CSPG5: variants seen among roughly 807,000 people sequenced by gnomAD.
CSPG5 encodes chondroitin sulfate proteoglycan 5, also known as acidic leucine-rich EGF-like domain-containing brain protein.
In CSPG5, 25 loss-of-function variants were observed where a neutral mutation model predicts 39.8. The ratio of observed to expected loss-of-function variants is 0.63; its 90% CI spans 0.46 to 0.88. The LOEUF is 0.88. Among genes scored for constraint, CSPG5 ranks in the 40% least tolerant of loss-of-function variants. CSPG5 has a pLI of 0.00. For synonymous variants in CSPG5, 295 were observed against 303.9 expected, an observed-to-expected ratio of 0.97 and a Z score of 0.31; for missense variants, 627 against 702.2, an observed-to-expected ratio of 0.89 and a Z score of 1.21.
In CSPG5 at chr3:47,577,580, G is replaced by C; in HGVS notation, c.446C>G (p.Ala149Gly). Residue 149 changes from alanine to glycine, a missense_variant, in exon 2 of 5, where the codon GCC becomes GGC. Coordinates refer to ENST00000264723, the MANE Select transcript of CSPG5 (RefSeq NM_006574.4). The surrounding 1 kb of genome is among the most constrained non-coding windows in gnomAD (Gnocchi z 4.7). ...GGGGGTGGGGGAGGGTGGCCCGCTG[G>C]CCTCTGTAGCCTCAGGAATGGCAGG... is the stretch of plus-strand genomic sequence containing the variant. The part of the protein sequence containing the change: ...MPPAIPEATE[A>G]SGPPSPTPGD... The C allele has an allele frequency of 6.2e-7, 1 of 1,611,216 alleles. No individual in the cohort carries two copies. The highest frequency in any genetic ancestry group is 8.5e-7 in the Non-Finnish European group (1 of 1,179,440).
At chr3:47,575,501 T>C (rs1576373197) in intron 2 of CSPG5, among the ~76,000 whole-genome samples, 1 of 152,214 alleles carries the variant, frequency 6.6e-6, no homozygotes, top group Admixed American at 6.5e-5. Flanking sequence ...GGGTAATTAC[T>C]GATGAGCTAC....
intron 3 of CSPG5, among the ~76,000 whole-genome samples, chr3:47,569,593 G>T (rs1035179339): frequency 6.7e-6 from 1 of 149,450 alleles, no homozygotes; most frequent in African/African-American, 2.5e-5. Flanking sequence ...GACAGAGCGA[G>T]ACTCCATCTC....
intron 4 of CSPG5, 73 bp from the exon 5 acceptor site, chr3:47,562,834 A>G (rs2031141125): frequency 1.4e-6 from 2 of 1,419,102 alleles, no homozygotes; most frequent in Non-Finnish European, 1.9e-6. Flanking sequence ...AGCGTTTTCT[A>G]TCTGGTTGAA....
At chr3:47,579,433 C>G (rs1559617180), upstream of CSPG5, 1 of 152,336 alleles carries the variant, frequency 6.6e-6, no homozygotes. This position sits in a 1 kb window ranked among gnomAD's most constrained non-coding sequence, Gnocchi z 4.2. Flanking sequence ...GGGGGCGAAG[C>G]CGACCGCCCA....
intron 4 of CSPG5, among the ~76,000 whole-genome samples, chr3:47,568,624 A>G (rs2031400485): frequency 6.6e-6 from 1 of 152,230 alleles, no homozygotes; most frequent in South Asian, 2.1e-4. Context: ...GAAATTCCCC[A>G]GCAGTGAAAG....
chr3:47,578,668 G>C lies in CSPG5; in HGVS notation c.26C>G (p.Pro9Arg). 9.3e-7 allele frequency: 1 copy of C among 1,080,374 alleles called. No homozygotes were observed. Among genetic ancestry groups the C allele is most frequent in the Non-Finnish European group, 1.1e-6 (1 of 884,638 alleles). 66.9% of individuals were successfully genotyped at this position (1,080,374 alleles called of 1,614,324 possible). The stretch of plus-strand genomic sequence containing the variant: ...CAGCAGTGGCGGCGGCCCCCGGCCC[G>C]GGCCCCCGCCCCCGGCTCGCCCCAT... Reference protein sequence around the residue: MGRAGGGGPGRGPPPLLLF... With the variant: MGRAGGGGRGRGPPPLLLF... Residue 9 changes from proline to arginine, a missense_variant, in exon 1 of 5, where the codon CCG becomes CGG. Coordinates refer to ENST00000264723, the MANE Select transcript of CSPG5 (RefSeq NM_006574.4). The surrounding 1 kb of genome is among the most constrained non-coding windows in gnomAD (Gnocchi z 6.0).
chr3:47,576,913 C>A lies in CSPG5; in HGVS notation c.1113G>T (p.Arg371=). The A allele has an allele frequency of 6.2e-7, 1 of 1,610,050 alleles. No individual in the cohort carries two copies. Among genetic ancestry groups the A allele is most frequent in the Non-Finnish European group, 8.5e-7 (1 of 1,177,652 alleles). ...AACTTGGGAAGAGGTCGCACACTGA[C>A]CGGCAGGAGCCGTTATGCCGCACAA... ...SGFVRHNGSC[R]SVCDLFPSYC... The change falls in exon 2 of 5, where the codon CGG becomes CGT. Residue 371 remains arginine (R), a synonymous_variant. Coordinates refer to ENST00000264723, the MANE Select transcript of CSPG5 (RefSeq NM_006574.4).
intron 4 of CSPG5, among the ~76,000 whole-genome samples, chr3:47,566,298 C>T (rs922344018): frequency 3.2e-4 from 49 of 152,268 alleles, no homozygotes; most frequent in Middle Eastern, 3.4e-3. Context: ...GGAGAAGCCA[C>T]GAGGCAGGCT....
Position 47,578,662 on chromosome 3 carries a change from C to T in CSPG5, c.32G>A (p.Arg11Gln). MGRAGGGGPG[R>Q]GPPPLLLFLG... is the part of the protein sequence containing the mutation. ...AAACAGCAGCAGTGGCGGCGGCCCC[C>T]GGCCCGGGCCCCCGCCCCCGGCTCG... Residue 11 changes from arginine (R) to glutamine (Q), a missense_variant, in exon 1 of 5, where the codon CGG (arginine) becomes CAG (glutamine). By Grantham distance (43) the Arg-to-Gln change is conservative. Coordinates refer to ENST00000264723, the MANE Select transcript of CSPG5 (RefSeq NM_006574.4). This position sits in a 1 kb window ranked among gnomAD's most constrained non-coding sequence, Gnocchi z 6.0. The T allele has an allele frequency of 1.8e-6, 2 of 1,108,262 alleles. No homozygotes were observed. The highest frequency in any genetic ancestry group is 2.2e-6 in the Non-Finnish European group (2 of 904,178). The allele number at this position is 1,108,262 out of a possible 1,614,324, so 68.7% of individuals were successfully genotyped here.
In CSPG5 at chr3:47,576,936, C is replaced by G. The variant is rs1410884424; in HGVS notation, c.1090G>C (p.Val364Leu). Residue 364 changes from valine to leucine, a missense_variant, in exon 2 of 5, where the codon GTG becomes CTG. Physicochemically the swap from Val to Leu is conservative, Grantham distance 32. Transcript: ENST00000264723. ...ENGTECRSGF[V>L]RHNGSCRSVC... Reference sequence around the variant, plus strand: ...GACCGGCAGGAGCCGTTATGCCGCACAAAGCCACTGCGGCACTCAGTGCCA... The same window carrying G: ...GACCGGCAGGAGCCGTTATGCCGCAGAAAGCCACTGCGGCACTCAGTGCCA... The G allele has an allele frequency of 1.9e-6, 3 of 1,613,272 alleles. No individual in the cohort carries two copies. The African/African-American group carries it at 4.0e-5, about 22-fold the overall frequency.
intron 4 of CSPG5, among the ~76,000 whole-genome samples, chr3:47,568,620 C>T (rs1576369602): frequency 6.6e-6 from 1 of 152,172 alleles, no homozygotes; most frequent in East Asian, 1.9e-4. Context: ...CCATGAAATT[C>T]CCCAGCAGTG....
intron 4 of CSPG5, among the ~76,000 whole-genome samples, chr3:47,564,226 T>C (rs2031202637): frequency 1.3e-5 from 2 of 152,220 alleles, no homozygotes; most frequent in Admixed American, 6.5e-5. Context: ...CAGAGAAGTC[T>C]GGTGAGCCCT....
chr3:47,577,524 G>A lies in CSPG5; in HGVS notation c.502C>T (p.Pro168Ser). 6.2e-7 allele frequency: 1 copy of A among 1,612,364 alleles called. No individual in the cohort carries two copies. Among genetic ancestry groups the A allele is most frequent in the Non-Finnish European group, 8.5e-7 (1 of 1,179,432 alleles). ...CAAACCTCCAAGGGGCTCTCCTTGG[G>A]GAGTTCAGAAGCTGGGCTCAGCTTG... ...GDKLSPASEL[P>S]KESPLEVWLN... is the part of the protein sequence containing the mutation. Residue 168 changes from proline to serine, a missense_variant, in exon 2 of 5, where the codon CCC (proline) becomes TCC (serine). Pro to Ser is a moderately conservative substitution (Grantham distance 74). Transcript: ENST00000264723. The surrounding 1 kb of genome is among the most constrained non-coding windows in gnomAD (Gnocchi z 4.7).
At position 47,577,632 on chromosome 3, in the gene CSPG5, C is replaced by T; in HGVS notation, c.394G>A (p.Glu132Lys). ...ALPATLQAPHEVLGQSIMPPA... is the reference protein window; with the variant it reads ...ALPATLQAPHKVLGQSIMPPA... ...GGCATGATTGACTGCCCGAGGACCT[C>T]GTGGGGAGCCTGGAGCGTAGCTGGA... Residue 132 changes from glutamate to lysine, a missense_variant, in exon 2 of 5, where the codon GAG becomes AAG. Transcript: ENST00000264723. The surrounding 1 kb of genome is among the most constrained non-coding windows in gnomAD (Gnocchi z 4.7). The T allele has an allele frequency of 6.2e-7, 1 of 1,610,258 alleles. No individual in the cohort carries two copies. Among genetic ancestry groups the T allele is most frequent in the Non-Finnish European group, 8.5e-7 (1 of 1,179,352 alleles).
Position 47,578,435 on chromosome 3 carries a change from AC to A in CSPG5, c.97+161del, listed in dbSNP as rs900690952. 1.5e-5 allele frequency among the ~76,000 whole-genome samples: 2 copies of A among 137,824 alleles called. No individual in the cohort carries two copies. The highest frequency in any genetic ancestry group is 3.1e-5 in the Non-Finnish European group (2 of 64,374). 90.4% of individuals were successfully genotyped at this position (137,824 alleles called of 152,430 possible). A position where few individuals can be genotyped will look rare whatever the true frequency, so the allele number is the denominator to read the frequency against. ...CCCCACGCGGGTCGGCCTTTCCCGG[AC>A]CCCCACCACCTCCTGGGACCATTCC... On this transcript the variant is annotated intron_variant, in intron 1 of 4. Coordinates refer to ENST00000264723, the MANE Select transcript of CSPG5 (RefSeq NM_006574.4). The surrounding 1 kb of genome is among the most constrained non-coding windows in gnomAD (Gnocchi z 6.0).
chr3:47,565,144 G>A (rs2031245643), intron 4 of CSPG5, among the ~76,000 whole-genome samples: 1 of 152,070 alleles, frequency 6.6e-6, no homozygotes, highest in Non-Finnish European at 1.5e-5. Context: ...CACAGACCCT[G>A]GTCTCAGAGC....
Position 47,562,617 on chromosome 3 carries a change from G to A in CSPG5, c.1603C>T (p.Gln535Ter). The A allele has an allele frequency of 1.9e-6, 3 of 1,604,266 alleles. No homozygotes were observed. Among genetic ancestry groups the A allele is most frequent in the Non-Finnish European group, 2.6e-6 (3 of 1,174,722 alleles). Residue 535 changes from glutamine (Q) to a stop codon, truncating the protein, a stop_gained, in exon 5 of 5, where the codon CAG (glutamine) becomes TAG (stop). Coordinates refer to ENST00000264723, the MANE Select transcript of CSPG5 (RefSeq NM_006574.4). LOFTEE classifies it high-confidence loss of function. ...DQADLDVNCLQNNLT is the reference protein window; with the variant it reads ...DQADLDVNCL ...GCTCTGCTTTAGGTTAAATTATTCT[G>A]AAGACAGTTCACATCCAAGTCAGCC...
At chr3:47,567,009 T>C (rs2031328006) in intron 4 of CSPG5, among the ~76,000 whole-genome samples, 1 of 152,204 alleles carries the variant, frequency 6.6e-6, no homozygotes, top group South Asian at 2.1e-4. Context: ...AAAGCCTCAC[T>C]TTCCACAAAG....
At chr3:47,564,729 A>G (rs956341187) in intron 4 of CSPG5, among the ~76,000 whole-genome samples, 2 of 152,198 alleles carry the variant, frequency 1.3e-5, no homozygotes, top group Admixed American at 1.3e-4. Context: ...TAGAACATGT[A>G]TAGCAAACTC....
Sources: allele counts gnomAD v4.1 joint callset (sites outside exome capture counted in the v4.1 genomes callset), GRCh38; gene constraint gnomAD v4.1.1; non-coding constraint Gnocchi (gnomAD v3.1); transcripts MANE v1.5; gene names NCBI Gene and HGNC (gene_info 2026-07-23, HGNC 2026-07-21).